The following CNOT1 variants were observed in gnomAD, a reference collection of about 807,000 sequenced individuals.
CNOT1 encodes CCR4-NOT transcription complex subunit 1, also known as CCR4-associated factor 1.
Under a neutral mutation model 273.8 loss-of-function variants are expected in CNOT1, and 15 were observed. That is an observed-to-expected ratio of 0.05 (90% confidence interval 0.04 to 0.08). The LOEUF (loss-of-function observed/expected upper bound fraction) is 0.08, where lower values mean the gene tolerates loss of function less well. CNOT1 is among the 10% of genes least tolerant of loss of function. The probability of loss-of-function intolerance (pLI) is 1.00; values close to 1 mark genes in which losing one functional copy is unlikely to be tolerated. For missense variants in CNOT1, 1,644 were observed against 2,912.2 expected, an observed-to-expected ratio of 0.56 and a Z score of 10.02; for synonymous variants, 1,022 against 1,005.5, an observed-to-expected ratio of 1.02 and a Z score of -0.31.
chr16:58,528,674 T>C, intron 43 of CNOT1, 26 bp from the exon 44 acceptor site: 7 of 1,548,430 alleles, frequency 4.5e-6, no homozygotes, highest in Non-Finnish European at 6.2e-6. Flanking sequence ...AAGAAAAATA[T>C]TTCCACACTA....
intron 22 of CNOT1, 102 bp downstream of exon 22, chr16:58,553,680 A>G: frequency 7.4e-7 from 1 of 1,359,622 alleles, no homozygotes; most frequent in Non-Finnish European, 9.6e-7. Context: ...ATCATTAAGA[A>G]ATCTTAATGC....
intron 23 of CNOT1, 114 bp from the exon 24 acceptor site, chr16:58,551,386 T>C: frequency 7.8e-7 from 1 of 1,277,884 alleles, no homozygotes; most frequent in South Asian, 1.5e-5. Flanking sequence ...TGACTGTGTA[T>C]TAGAAATGTA....
chr16:58,582,476 GC>G (rs1376471620), intron 10 of CNOT1, among the ~76,000 whole-genome samples: 43 of 152,184 alleles, frequency 2.8e-4, no homozygotes, highest in Non-Finnish European at 5.9e-5. Flanking sequence ...TCTTATTTAA[GC>G]CCTTCAATAT....
intron 1 of CNOT1, among the ~76,000 whole-genome samples, chr16:58,615,000 A>G (rs2152039178): frequency 9.0e-6 from 1 of 111,588 alleles, no homozygotes; most frequent in Non-Finnish European, 2.1e-5. Context: ...CAGCCACAGC[A>G]CTGGGCCTGT....
intron 22 of CNOT1, 61 bp from the exon 23 acceptor site, chr16:58,551,880 C>A: frequency 6.3e-7 from 1 of 1,589,224 alleles, no homozygotes; most frequent in Non-Finnish European, 8.6e-7. Flanking sequence ...ATTATACGTC[C>A]CTCTTTTCTG....
chr16:58,574,832 A>G, intron 15 of CNOT1, 72 bp from the exon 16 acceptor site: 4 of 1,570,768 alleles, frequency 2.5e-6, no homozygotes, highest in Non-Finnish European at 3.4e-6. Flanking sequence ...GATAACTACT[A>G]AGCACTATAA....
rs1395588786 is a variant in CNOT1 at position 58,545,469 on chromosome 16, G to C, written c.4029C>G (p.Thr1343=). The change falls in exon 30 of 49, where the codon ACC becomes ACG. Residue 1343 remains threonine, a synonymous_variant. Coordinates refer to ENST00000317147, the MANE Select transcript of CNOT1 (RefSeq NM_016284.5). The part of the protein sequence containing the change: ...TTTTTSTTPA[T]NTTCTATVPP... ...GAACCGTGGCTGTACAAGTGGTGTTGGTAGCTGGTGTAGTAGAAGTTGCTA... is the reference window on the plus strand; with the variant it reads ...GAACCGTGGCTGTACAAGTGGTGTTCGTAGCTGGTGTAGTAGAAGTTGCTA... 1 of 1,614,040 alleles carries C rather than the reference G, an allele frequency of 6.2e-7. No homozygotes were observed.
intron 1 of CNOT1, among the ~76,000 whole-genome samples, chr16:58,610,857 CAAACA>C (rs575231808): frequency 6.0e-5 from 9 of 150,666 alleles, no homozygotes; most frequent in East Asian, 2.0e-4. Context: ...AAACATAAAA[CAAACA>C]AAACAAAACA....
intron 1 of CNOT1, among the ~76,000 whole-genome samples, chr16:58,624,998 G>A (rs1319056317): frequency 4.0e-5 from 6 of 149,612 alleles, no homozygotes; most frequent in African/African-American, 1.2e-4. Flanking sequence ...CTGTAATCAC[G>A]GCACTCTGGG....
intron 38 of CNOT1, 39 bp from the exon 39 acceptor site, chr16:58,537,259 T>C: frequency 1.3e-6 from 2 of 1,531,948 alleles, no homozygotes; most frequent in Non-Finnish European, 1.7e-6. Context: ...AGTCTCCTCG[T>C]AGTTGTGATT....
intron 34 of CNOT1, among the ~76,000 whole-genome samples, chr16:58,540,972 A>G (rs1461692568): frequency 6.6e-6 from 1 of 152,220 alleles, no homozygotes; most frequent in Non-Finnish European, 1.5e-5. Flanking sequence ...TTGGGAGGCC[A>G]AGGTAGGCGA....
At chr16:58,546,930 A>G (rs144010710) in intron 27 of CNOT1, among the ~76,000 whole-genome samples, 181 bp from the exon 28 acceptor site, 2 of 152,368 alleles carry the variant, frequency 1.3e-5, no homozygotes, top group Non-Finnish European at 2.9e-5. Context: ...CTCTGTAGCC[A>G]TAACAAAACC....
At chr16:58,535,512 C>T (rs1344268600) in intron 39 of CNOT1, among the ~76,000 whole-genome samples, 1 of 152,154 alleles carries the variant, frequency 6.6e-6, no homozygotes, top group African/African-American at 2.4e-5. Context: ...GCAGGAAGGG[C>T]TGAGACAGGT....
At chr16:58,535,716 G>A (rs968332566) in intron 39 of CNOT1, among the ~76,000 whole-genome samples, 5 of 151,894 alleles carry the variant, frequency 3.3e-5, no homozygotes, top group African/African-American at 1.2e-4. Flanking sequence ...ATTTTGAAAA[G>A]TAAACCTAAT....
At position 58,599,224 on chromosome 16, in the gene CNOT1, T is replaced by C. The variant is rs769287331; in HGVS notation, c.102+12A>G. Reference sequence around the variant, plus strand: ...CCTTTAATGGCACTTGTTTTCTGGCTAGTTTACTTACATGCTGTATTTCCT... The same window carrying C: ...CCTTTAATGGCACTTGTTTTCTGGCCAGTTTACTTACATGCTGTATTTCCT... On this transcript the variant is annotated intron_variant, in intron 2 of 48. Transcript: ENST00000317147. 2 of 1,614,070 alleles carry C rather than the reference T, an allele frequency of 1.2e-6. No individual in the cohort carries two copies. Among genetic ancestry groups the C allele is most frequent in the Non-Finnish European group, 1.7e-6 (2 of 1,180,038 alleles).
intron 1 of CNOT1, among the ~76,000 whole-genome samples, chr16:58,625,014 T>C (rs2043504115): frequency 6.6e-6 from 1 of 151,182 alleles, no homozygotes; most frequent in African/African-American, 2.4e-5. Context: ...CTGGGAGGTC[T>C]TGGTGGACAG....
intron 47 of CNOT1, among the ~76,000 whole-genome samples, chr16:58,522,217 G>A (rs548159450): frequency 3.3e-4 from 42 of 128,846 alleles, no homozygotes; most frequent in African/African-American, 1.3e-3. Context: ...TACTCAGGAG[G>A]CGACAAAGCG....
intron 24 of CNOT1, among the ~76,000 whole-genome samples, chr16:58,550,580 T>G (rs1430397440): frequency 6.6e-6 from 1 of 152,208 alleles, no homozygotes; most frequent in Non-Finnish European, 1.5e-5. Context: ...TATATGCATA[T>G]AAGATAGGTG....
At chr16:58,552,092 A>T (rs1309836786) in intron 22 of CNOT1, among the ~76,000 whole-genome samples, 1 of 152,210 alleles carries the variant, frequency 6.6e-6, no homozygotes, top group African/African-American at 2.4e-5. Flanking sequence ...ACTTCTTTAA[A>T]AACGCAAACT....
Sources: gnomAD v4.1 joint callset for allele counts (sites outside exome capture counted in the v4.1 genomes callset) on GRCh38, gnomAD v4.1.1 for gene constraint, MANE v1.5 for transcripts, NCBI Gene and HGNC (gene_info 2026-07-23, HGNC 2026-07-21) for gene names.